Variants in STIM2 observed in about 807,000 individuals in gnomAD.
STIM2 encodes stromal interaction molecule 2.
STIM2 carries 31 observed loss-of-function variants against 85.8 expected under a neutral mutation model. The observed-to-expected ratio is 0.36, with a 90% CI of 0.27 to 0.49. The LOEUF (loss-of-function observed/expected upper bound fraction) is 0.49. Among genes scored for constraint, STIM2 ranks in the 20% least tolerant of loss-of-function variants. The probability of loss-of-function intolerance (pLI) is 0.98; values close to 1 mark genes in which losing one functional copy is unlikely to be tolerated. For missense variants in STIM2, 841 were observed against 927.6 expected, an observed-to-expected ratio of 0.91 and a Z score of 1.21; for synonymous variants, 356 against 331.1, an observed-to-expected ratio of 1.08 and a Z score of -0.82.
chr4:26,860,989 C>T lies in STIM2; in HGVS notation c.-230C>T. 7.7e-7 allele frequency: 1 copy of T among 1,295,526 alleles called. No individual in the cohort carries two copies. Among genetic ancestry groups the T allele is most frequent in the Non-Finnish European group, 9.9e-7 (1 of 1,011,168 alleles). The allele number at this position is 1,295,526 out of a possible 1,614,324, so 80.3% of individuals were successfully genotyped here. A position where few individuals can be genotyped will look rare whatever the true frequency, so the allele number is the denominator to read the frequency against. On this transcript the variant is annotated 5_prime_UTR_variant, in exon 1 of 12. Transcript: ENST00000467087. ...GCAGCCGGGATCAGAGCTCCGGAGG[C>T]CGCCGGTGCCGATGGGACCAGGCTG...
chr4:26,979,559 A>G (rs1225972285), intron 3 of STIM2, among the ~76,000 whole-genome samples: 1 of 152,216 alleles, frequency 6.6e-6, no homozygotes, highest in Non-Finnish European at 1.5e-5. Flanking sequence ...TTTTTGCCAA[A>G]TGAAGCCTTC....
chr4:26,950,784 A>G (rs572189172), intron 2 of STIM2, among the ~76,000 whole-genome samples: 118 of 152,204 alleles, frequency 7.8e-4, no homozygotes, highest in African/African-American at 2.8e-3. Context: ...TGACCCTATG[A>G]CTCTGGGAAT....
At chr4:26,985,269 A>G (rs1727542706) in intron 3 of STIM2, among the ~76,000 whole-genome samples, 1 of 152,164 alleles carries the variant, frequency 6.6e-6, no homozygotes, top group African/African-American at 2.4e-5. Flanking sequence ...TCTTTCTTTT[A>G]TATTAGTTTA....
intron 3 of STIM2, among the ~76,000 whole-genome samples, chr4:26,965,826 A>T (rs1268187588): frequency 1.3e-5 from 2 of 151,664 alleles, no homozygotes; most frequent in Admixed American, 6.6e-5. Context: ...TGAAATAGAG[A>T]CCCCCTCTCA....
chr4:26,944,503 A>G (rs950126453), intron 2 of STIM2, among the ~76,000 whole-genome samples: 3 of 152,160 alleles, frequency 2.0e-5, no homozygotes, highest in African/African-American at 7.2e-5. Context: ...GATACTCAGT[A>G]AATATTTTTG....
At chr4:26,947,351 TATA>T (rs1725869941) in intron 2 of STIM2, among the ~76,000 whole-genome samples, 1 of 152,224 alleles carries the variant, frequency 6.6e-6, no homozygotes, top group African/African-American at 2.4e-5. Context: ...ATCTTAAAAT[TATA>T]ATAAATTCAT....
chr4:26,945,101 C>T (rs1725765414), intron 2 of STIM2, among the ~76,000 whole-genome samples: 1 of 152,112 alleles, frequency 6.6e-6, no homozygotes, highest in East Asian at 1.9e-4. Context: ...CTTTTTACCC[C>T]CCACCCTCTG....
At chr4:26,929,908 G>A (rs1387449849) in intron 2 of STIM2, among the ~76,000 whole-genome samples, 1 of 152,078 alleles carries the variant, frequency 6.6e-6, no homozygotes, top group East Asian at 1.9e-4. Context: ...TGTTCTATAG[G>A]GTGGCAGGCA....
chr4:26,976,736 A>G (rs1028582607), intron 3 of STIM2, among the ~76,000 whole-genome samples: 1 of 152,098 alleles, frequency 6.6e-6, no homozygotes, highest in East Asian at 1.9e-4. Context: ...CCTGGGATGC[A>G]TAGGTTGCAG....
At chr4:26,942,165 C>T (rs147116808) in intron 2 of STIM2, among the ~76,000 whole-genome samples, 1 of 152,128 alleles carries the variant, frequency 6.6e-6, no homozygotes, top group Non-Finnish European at 1.5e-5. Context: ...TGGGGGCTCA[C>T]CATCTGCATT....
rs1728892724 is a variant in STIM2 at position 27,021,105 on chromosome 4, C to T, written c.1764-1414C>T. The T allele has an allele frequency of 3.3e-6, 5 of 1,498,968 alleles. 1 individual carries two copies. The South Asian group carries it at 4.8e-5, about 14-fold the overall frequency. The allele number at this position is 1,498,968 out of a possible 1,614,324, so 92.9% of individuals were successfully genotyped here. On this transcript the variant is annotated intron_variant, in intron 11 of 11. Transcript: ENST00000467087. ...GTGATCCCTGTTCTTTAATATCTCA[C>T]TCTGTTCATTCATTCATTCACCCAC...
chr4:26,918,130 A>C (rs747329870), intron 1 of STIM2, among the ~76,000 whole-genome samples: 18 of 152,216 alleles, frequency 1.2e-4, no homozygotes, highest in South Asian at 6.2e-4. Flanking sequence ...AGACTAAAGA[A>C]ATTAAAATTA....
intron 2 of STIM2, among the ~76,000 whole-genome samples, chr4:26,931,204 G>A (rs1725194120): frequency 6.6e-6 from 1 of 152,062 alleles, no homozygotes; most frequent in Non-Finnish European, 1.5e-5. Context: ...GAAAGAGAAG[G>A]GGCAGTAATG....
chr4:26,993,942 C>T (rs936330794), intron 3 of STIM2, among the ~76,000 whole-genome samples: 3 of 151,898 alleles, frequency 2.0e-5, no homozygotes, highest in Admixed American at 1.3e-4. Flanking sequence ...GTTAGAACCT[C>T]GTAAGTTTTT....
At position 26,887,108 on chromosome 4, in the gene STIM2, G is replaced by A. The variant is rs149736084; in HGVS notation, c.151+25739G>A. Among the ~76,000 whole-genome samples the A allele has an allele frequency of 2.3e-4, 34 of 151,004 alleles. 1 individual carries two copies. In the East Asian group the frequency reaches 5.7e-3, roughly 25 times the overall value. On this transcript the variant is annotated intron_variant, in intron 1 of 11. Transcript: ENST00000467087. ...TTATAGGATATAATTTAAAGAGCTA[G>A]GAAATTGGAACAACCCGTAGTGTTC... is the stretch of plus-strand genomic sequence containing the variant.
chr4:26,951,927 T>C (rs955662006), intron 2 of STIM2, among the ~76,000 whole-genome samples: 4 of 152,096 alleles, frequency 2.6e-5, no homozygotes, highest in African/African-American at 7.2e-5. Context: ...CAAAGCCTAA[T>C]GGTAGATTTT....
At chr4:26,870,648 A>G (rs970331871) in intron 1 of STIM2, among the ~76,000 whole-genome samples, 1 of 152,188 alleles carries the variant, frequency 6.6e-6, no homozygotes, top group Non-Finnish European at 1.5e-5. Flanking sequence ...TTATTAAAAA[A>G]CAAGCAAGCA....
chr4:26,970,855 A>G (rs1015756073), intron 3 of STIM2, among the ~76,000 whole-genome samples: 2 of 152,030 alleles, frequency 1.3e-5, no homozygotes, highest in Non-Finnish European at 2.9e-5. Flanking sequence ...TTACACTCCC[A>G]CCAACAGTGT....
intron 3 of STIM2, among the ~76,000 whole-genome samples, chr4:26,958,142 T>A (rs894173269): frequency 1.3e-5 from 2 of 152,150 alleles, no homozygotes; most frequent in African/African-American, 4.8e-5. Flanking sequence ...AAATCCTTTA[T>A]GATGTCTCGT....
Sources: allele counts gnomAD v4.1 joint callset (sites outside exome capture counted in the v4.1 genomes callset), GRCh38; gene constraint gnomAD v4.1.1; transcripts MANE v1.5; gene names NCBI Gene and HGNC (gene_info 2026-07-23, HGNC 2026-07-21).